Variants in SNPH observed in about 807,000 individuals in gnomAD.
SNPH encodes the protein syntaphilin.
A neutral mutation model predicts 36.8 loss-of-function variants in SNPH; 10 were observed. The observed-to-expected ratio is 0.27, with a 90% confidence interval of 0.17 to 0.46. The LOEUF (loss-of-function observed/expected upper bound fraction) is 0.46, where lower values mean the gene tolerates loss of function less well. SNPH is among the 20% of genes least tolerant of loss of function. SNPH has a pLI of 1.00. For missense variants in SNPH, 622 were observed against 744.0 expected (o/e 0.84, Z 1.91); for synonymous variants, 281 against 312.2 (o/e 0.90, Z 1.05).
intron 2 of SNPH, among the ~76,000 whole-genome samples, chr20:1,267,273 G>C (rs1027935043): frequency 1.3e-5 from 2 of 151,966 alleles, no homozygotes; most frequent in Non-Finnish European, 2.9e-5. Flanking sequence ...CTGAGCCTCC[G>C]TCTCCCCGGA....
intron 5 of SNPH, among the ~76,000 whole-genome samples, chr20:1,298,530 C>T (rs1340981821): frequency 1.3e-5 from 2 of 152,226 alleles, no homozygotes; most frequent in Non-Finnish European, 2.9e-5. Context: ...AGGAGTAAAG[C>T]ATTAATTTAC....
intron 6 of SNPH, among the ~76,000 whole-genome samples, chr20:1,301,505 CT>C (rs11478452): frequency 0.17 from 25,201 of 146,192 alleles, 2,608 homozygotes; most frequent in East Asian, 0.47. Context: ...TCTTTTCTTT[CT>C]TTTTTTTTTT....
chr20:1,297,032 T>C, intron 4 of SNPH, 113 bp from the exon 5 acceptor site: 2 of 1,469,656 alleles, frequency 1.4e-6, no homozygotes, highest in East Asian at 5.0e-5. Flanking sequence ...CTCTCCCCTG[T>C]GGTGACCCCA....
intron 2 of SNPH, among the ~76,000 whole-genome samples, chr20:1,290,395 T>A (rs1487301765): frequency 1.3e-5 from 2 of 152,264 alleles, no homozygotes; most frequent in East Asian, 1.9e-4. Flanking sequence ...TCTGTCTGTG[T>A]GCATTTGCCT....
intron 4 of SNPH, 112 bp from the exon 5 acceptor site, chr20:1,297,033 G>C: frequency 1.4e-6 from 2 of 1,469,344 alleles, no homozygotes; most frequent in Admixed American, 2.4e-5. Flanking sequence ...TCTCCCCTGT[G>C]GTGACCCCAA....
chr20:1,288,121 T>C (rs1029200756), intron 2 of SNPH, among the ~76,000 whole-genome samples: 1 of 152,248 alleles, frequency 6.6e-6, no homozygotes, highest in Non-Finnish European at 1.5e-5. Context: ...CTAGCAGAGT[T>C]TGCCAGTCAT....
At chr20:1,277,453 A>ATGTGTATGCCTGTGTG (rs996055144) in intron 2 of SNPH, among the ~76,000 whole-genome samples, 4 of 126,484 alleles carry the variant, frequency 3.2e-5, no homozygotes, top group Non-Finnish European at 6.8e-5. Flanking sequence ...GTGTGTGTCC[A>ATGTGTATGCCTGTGTG]TGTGTATGCC....
In SNPH at chr20:1,297,175, T is replaced by A. The variant is rs761060158; in HGVS notation, c.213T>A (p.Asp71Glu). 6.2e-7 allele frequency: 1 copy of A among 1,613,780 alleles called. No individual in the cohort carries two copies. The highest frequency in any genetic ancestry group is 1.7e-5 in the Admixed American group (1 of 59,992). The change falls in exon 5 of 7, where the codon GAT becomes GAA. Residue 71 changes from aspartate to glutamate, a missense_variant. Physicochemically the swap from Asp to Glu is conservative, Grantham distance 45. Around this residue, in one of 3 missense-constraint regions of SNPH, gnomAD observed 187 missense variants for 209.4 expected, o/e 0.89. Coordinates refer to ENST00000381867, the MANE Select transcript of SNPH (RefSeq NM_001318234.2). The part of the protein sequence containing the change: ...RRTSPPVSVR[D>E]AYGTSSLSSS... Reference sequence around the variant, plus strand: ...CCTCTCCACCTGTGAGCGTGCGGGATGCCTACGGCACCTCTTCGCTCAGCA... The same window carrying A: ...CCTCTCCACCTGTGAGCGTGCGGGAAGCCTACGGCACCTCTTCGCTCAGCA...
chr20:1,296,233 A>C lies in SNPH; in HGVS notation c.-7A>C. 6.6e-7 allele frequency: 1 copy of C among 1,513,164 alleles called. No homozygotes were observed. The highest frequency in any genetic ancestry group is 8.8e-7 in the Non-Finnish European group (1 of 1,132,648). 93.7% of individuals were successfully genotyped at this position (1,513,164 alleles called of 1,614,324 possible). On this transcript the variant is annotated 5_prime_UTR_variant, in exon 4 of 7. Transcript: ENST00000381867. ...GGGTGTCCTGCCGAAGGGTGAGAAG[A>C]GAAGCCATGCCGGGCAGCGGCCCCA...
intron 2 of SNPH, among the ~76,000 whole-genome samples, chr20:1,284,325 A>G (rs932902108): frequency 6.6e-6 from 1 of 152,194 alleles, no homozygotes; most frequent in African/African-American, 2.4e-5. Flanking sequence ...ACATCAACCC[A>G]GATCAGTGCA....
intron 2 of SNPH, among the ~76,000 whole-genome samples, chr20:1,290,712 C>A (rs1311206765): frequency 6.6e-6 from 1 of 152,194 alleles, no homozygotes; most frequent in Non-Finnish European, 1.5e-5. Flanking sequence ...ATATACCTAG[C>A]AGTGGAATTG....
intron 2 of SNPH, among the ~76,000 whole-genome samples, chr20:1,275,715 C>T (rs1479078243): frequency 1.3e-5 from 2 of 152,116 alleles, no homozygotes; most frequent in Non-Finnish European, 2.9e-5. Flanking sequence ...TAGCTGGGCT[C>T]TTACACCAAG....
intron 2 of SNPH, among the ~76,000 whole-genome samples, chr20:1,281,258 T>TA (rs2088216864): frequency 6.6e-6 from 1 of 152,202 alleles, no homozygotes; most frequent in South Asian, 2.1e-4. Flanking sequence ...ACTCTCATTT[T>TA]AACCTCTATA....
At position 1,305,759 on chromosome 20, in the gene SNPH, C is replaced by T. The variant is rs183333437; in HGVS notation, c.1322C>T (p.Ser441Leu). 124 of 1,610,960 alleles carry T rather than the reference C, an allele frequency of 7.7e-5. No homozygotes were observed. The highest frequency in any genetic ancestry group is 3.3e-4 in the Middle Eastern group (2 of 6,050). Reference protein sequence around the residue: ...RPGANPNPGQSVSVVCPMEEE... With the variant: ...RPGANPNPGQLVSVVCPMEEE... The stretch of plus-strand genomic sequence containing the variant: ...GGTGCCAACCCCAACCCTGGCCAGT[C>T]GGTGAGCGTGGTGTGCCCCATGGAA... Residue 441 changes from serine to leucine, a missense_variant, in exon 7 of 7, where the codon TCG becomes TTG. Ser to Leu is a moderately radical substitution (Grantham distance 145). Coordinates refer to ENST00000381867, the MANE Select transcript of SNPH (RefSeq NM_001318234.2).
chr20:1,290,167 G>A (rs1195977678), intron 2 of SNPH, among the ~76,000 whole-genome samples: 1 of 150,316 alleles, frequency 6.7e-6, no homozygotes, highest in African/African-American at 2.4e-5. Flanking sequence ...AGCTGAGATC[G>A]TGCCACTGCA....
At chr20:1,288,413 G>A (rs555315710) in intron 2 of SNPH, among the ~76,000 whole-genome samples, 28 of 152,208 alleles carry the variant, frequency 1.8e-4, no homozygotes, top group African/African-American at 6.5e-4. Flanking sequence ...CAAGATGGAC[G>A]ATGTGATATG....
At chr20:1,280,696 A>G (rs986570346) in intron 2 of SNPH, among the ~76,000 whole-genome samples, 5 of 152,130 alleles carry the variant, frequency 3.3e-5, no homozygotes, top group African/African-American at 1.2e-4. Context: ...GCTTTGTCCC[A>G]AGAGAGTGAG....
intron 2 of SNPH, among the ~76,000 whole-genome samples, chr20:1,281,014 G>A (rs1167560542): frequency 1.3e-5 from 2 of 152,156 alleles, no homozygotes; most frequent in Admixed American, 1.3e-4. Context: ...TGGGGGGTGT[G>A]TTTGTATGTT....
In SNPH at chr20:1,305,924, A is replaced by G. The variant is rs2088571863; in HGVS notation, c.1487A>G (p.Gln496Arg). Residue 496 changes from glutamine (Q) to arginine (R), a missense_variant, in exon 7 of 7, where the codon CAG becomes CGG. Transcript: ENST00000381867. ...WLCRSQRRQGQPIYNISSLLR... is the reference protein window; with the variant it reads ...WLCRSQRRQGRPIYNISSLLR... The stretch of plus-strand genomic sequence containing the variant: ...TGCCGCTCCCAGCGGCGCCAGGGCC[A>G]GCCCATCTACAACATCAGCTCCCTG... The G allele has an allele frequency of 2.5e-6, 4 of 1,593,154 alleles. No homozygotes were observed. The Admixed American group carries it at 5.2e-5, about 21-fold the overall frequency.
Sources: allele counts gnomAD v4.1 joint callset (sites outside exome capture counted in the v4.1 genomes callset), GRCh38; gene constraint gnomAD v4.1.1; regional missense constraint gnomAD v4.1.1; transcripts MANE v1.5; gene names NCBI Gene and HGNC (gene_info 2026-07-23, HGNC 2026-07-21).